NTRK2: variants seen among roughly 807,000 people sequenced by gnomAD.
NTRK2 encodes BDNF/NT-3 growth factors receptor.
NTRK2 carries 13 observed loss-of-function variants against 94.5 expected under a neutral mutation model. The observed-to-expected ratio is 0.14, with a 90% CI of 0.09 to 0.22. NTRK2 has a LOEUF of 0.22. Ranked by LOEUF, NTRK2 falls within the 10% of genes least tolerant of loss-of-function variation. The pLI, the probability that NTRK2 is intolerant of heterozygous loss-of-function variation, is 1.00. For synonymous variants in NTRK2, 372 were observed against 407.4 expected, an observed-to-expected ratio of 0.91 and a Z score of 1.05; for missense variants, 639 against 1,071.2, an observed-to-expected ratio of 0.60 and a Z score of 5.63.
At chr9:84,966,752 C>T (rs1038643178) in intron 17 of NTRK2, among the ~76,000 whole-genome samples, 9 of 152,154 alleles carry the variant, frequency 5.9e-5, no homozygotes, top group Non-Finnish European at 7.3e-5. Context: ...ATTATATAGG[C>T]ACTGCTCAGG....
chr9:84,923,444 T>A lies in NTRK2; in HGVS notation c.1634-10718T>A, dbSNP rs2077635045. 3.9e-5 allele frequency among the ~76,000 whole-genome samples: 6 copies of A among 152,200 alleles called. No individual in the cohort carries two copies. In the South Asian group the frequency reaches 8.3e-4, roughly 21 times the overall value. ...ATGTGCACAGAGAAGATACTCCATATGTTTATGTAAAAATAAAATGTTCAT... is the reference window on the plus strand; with the variant it reads ...ATGTGCACAGAGAAGATACTCCATAAGTTTATGTAAAAATAAAATGTTCAT... On this transcript the variant is annotated intron_variant, in intron 14 of 18. Coordinates refer to ENST00000277120, the MANE Select transcript of NTRK2 (RefSeq NM_006180.6).
chr9:84,769,718 A>G (rs997020774), intron 12 of NTRK2, among the ~76,000 whole-genome samples: 1 of 152,212 alleles, frequency 6.6e-6, no homozygotes, highest in African/African-American at 2.4e-5. Flanking sequence ...TCCATTAGGG[A>G]CCAGCACAAC....
chr9:84,976,329 G>GACACA (rs1826860379), intron 17 of NTRK2, among the ~76,000 whole-genome samples: 1 of 152,130 alleles, frequency 6.6e-6, no homozygotes, highest in African/African-American at 2.4e-5. Flanking sequence ...CTTTTATAAG[G>GACACA]ACACAAAGTT....
At chr9:84,826,878 C>T (rs1185951133) in intron 12 of NTRK2, among the ~76,000 whole-genome samples, 1 of 152,140 alleles carries the variant, frequency 6.6e-6, no homozygotes, top group Non-Finnish European at 1.5e-5. Context: ...GTCATAAAAA[C>T]ACTTTGAAGG....
chr9:84,812,211 T>G (rs1426674561), intron 12 of NTRK2: 1 of 1,056,744 alleles, frequency 9.5e-7, no homozygotes, highest in African/African-American at 1.6e-5. Context: ...TAGGTACCAC[T>G]TGATATAAAA....
chr9:84,954,352 A>T (rs773263384), intron 16 of NTRK2, among the ~76,000 whole-genome samples: 1 of 152,180 alleles, frequency 6.6e-6, no homozygotes, highest in African/African-American at 2.4e-5. Context: ...GCATCCTAAG[A>T]CGCGGATCCT....
At chr9:84,842,981 A>G (rs1415159636) in intron 12 of NTRK2, among the ~76,000 whole-genome samples, 1 of 152,158 alleles carries the variant, frequency 6.6e-6, no homozygotes, top group Non-Finnish European at 1.5e-5. Context: ...AATTCTTGGC[A>G]TCTAAGAGCA....
chr9:84,681,171 C>T (rs781081096), intron 2 of NTRK2, among the ~76,000 whole-genome samples: 5 of 152,172 alleles, frequency 3.3e-5, no homozygotes, highest in Non-Finnish European at 7.3e-5. Context: ...TCAGTGAAGA[C>T]CTTTGGACTC....
intron 14 of NTRK2, among the ~76,000 whole-genome samples, chr9:84,867,970 A>G (rs1393135307): frequency 1.3e-5 from 2 of 152,210 alleles, no homozygotes; most frequent in Non-Finnish European, 2.9e-5. Flanking sequence ...ATGGCAGCAG[A>G]TGATTTGCAT....
chr9:84,875,307 G>T, intron 14 of NTRK2: 2 of 1,059,402 alleles, frequency 1.9e-6, no homozygotes, highest in Non-Finnish European at 2.3e-6. Context: ...GATGTGCAGG[G>T]GTTAAGAGCG....
chr9:84,915,058 G>A (rs376437975), intron 14 of NTRK2, among the ~76,000 whole-genome samples: 17 of 152,132 alleles, frequency 1.1e-4, no homozygotes, highest in African/African-American at 3.4e-4. Flanking sequence ...ATCTAGATCC[G>A]TCGTATGCGC....
chr9:84,938,843 G>A (rs1420925505), intron 15 of NTRK2, among the ~76,000 whole-genome samples: 1 of 152,144 alleles, frequency 6.6e-6, no homozygotes, highest in East Asian at 1.9e-4. Flanking sequence ...TTGAGCTCAG[G>A]AGTTCAAGAC....
chr9:84,989,157 A>G (rs1199455730), intron 17 of NTRK2, among the ~76,000 whole-genome samples: 5 of 152,214 alleles, frequency 3.3e-5, no homozygotes, highest in Non-Finnish European at 7.3e-5. Context: ...TCAAACTTTT[A>G]CCACTGGACC....
At chr9:84,819,515 T>C (rs1320106989) in intron 12 of NTRK2, among the ~76,000 whole-genome samples, 1 of 152,178 alleles carries the variant, frequency 6.6e-6, no homozygotes, top group Admixed American at 6.5e-5. Context: ...GGGAGGTTGA[T>C]TGATTACCTC....
At chr9:84,801,334 G>T (rs2070423166) in intron 12 of NTRK2, among the ~76,000 whole-genome samples, 2 of 152,208 alleles carry the variant, frequency 1.3e-5, no homozygotes, top group African/African-American at 4.8e-5. Flanking sequence ...CTGTAGAAAT[G>T]AATCCTTTAG....
intron 14 of NTRK2, among the ~76,000 whole-genome samples, chr9:84,890,832 A>G (rs1003698575): frequency 2.0e-5 from 3 of 152,258 alleles, no homozygotes; most frequent in Non-Finnish European, 4.4e-5. Flanking sequence ...CTTGTGAATT[A>G]TAAGGAAATG....
intron 12 of NTRK2, chr9:84,814,268 A>T: frequency 9.4e-7 from 1 of 1,065,488 alleles, no homozygotes; most frequent in Non-Finnish European, 1.1e-6. Context: ...GGCTTGGAGC[A>T]TCTCCTCAGA....
At chr9:84,935,852 T>A (rs1448776127) in intron 15 of NTRK2, among the ~76,000 whole-genome samples, 1 of 152,246 alleles carries the variant, frequency 6.6e-6, no homozygotes, top group Non-Finnish European at 1.5e-5. Context: ...CTTCTTACTG[T>A]ATCTTTTTTT....
chr9:84,875,986 C>CAAAGGCAGAACCAAAGG, intron 14 of NTRK2: 1 of 1,035,590 alleles, frequency 9.7e-7, no homozygotes, highest in Non-Finnish European at 1.2e-6. Flanking sequence ...GGGGGGAATC[C>CAAAGGCAGAACCAAAGG]CAGAAAGAAA....
Sources: gnomAD v4.1 joint callset for allele counts (sites outside exome capture counted in the v4.1 genomes callset) on GRCh38, gnomAD v4.1.1 for gene constraint, MANE v1.5 for transcripts, NCBI Gene and HGNC (gene_info 2026-07-23, HGNC 2026-07-21) for gene names.